The following TM9SF2 variants were observed in gnomAD, a reference collection of about 807,000 sequenced individuals.
TM9SF2 encodes transmembrane 9 superfamily member 2, also known as 76 kDa membrane protein.
In TM9SF2, 13 loss-of-function variants were observed where a neutral mutation model predicts 84.9. That is an observed-to-expected ratio of 0.15 (90% CI 0.10 to 0.24). TM9SF2 has a LOEUF of 0.24. Among genes scored for constraint, TM9SF2 ranks in the 10% least tolerant of loss-of-function variants. TM9SF2 has a pLI of 1.00. For missense variants in TM9SF2, 562 were observed against 818.5 expected (o/e 0.69, Z 3.82); for synonymous variants, 273 against 285.8 (o/e 0.96, Z 0.45).
intron 9 of TM9SF2, among the ~76,000 whole-genome samples, chr13:99,542,263 C>G (rs17610629): frequency 0.097 from 14,696 of 152,130 alleles, 855 homozygotes; most frequent in East Asian, 0.22. Flanking sequence ...TGCACAGTTA[C>G]AACTCTGTAA....
chr13:99,539,535 A>G lies in TM9SF2; in HGVS notation c.806A>G (p.Tyr269Cys), dbSNP rs1225294102. 1.2e-6 allele frequency: 2 copies of G among 1,611,566 alleles called. No homozygotes were observed. The highest frequency in any genetic ancestry group is 1.7e-6 in the Non-Finnish European group (2 of 1,177,770). Residue 269 changes from tyrosine to cysteine, a missense_variant, in exon 7 of 17, where the codon TAT (tyrosine) becomes TGT (cysteine). Transcript: ENST00000376387. ...NKASGEIKIAYTYSVSFEEDD... is the reference protein window; with the variant it reads ...NKASGEIKIACTYSVSFEEDD... ...GCTTCTGGGGAGATAAAAATTGCCTATACTTACTCTGTTAGCTTCGAGGTG... is the reference window on the plus strand; with the variant it reads ...GCTTCTGGGGAGATAAAAATTGCCTGTACTTACTCTGTTAGCTTCGAGGTG...
At chr13:99,514,696 C>A (rs1267616815) in intron 1 of TM9SF2, among the ~76,000 whole-genome samples, 2 of 152,188 alleles carry the variant, frequency 1.3e-5, no homozygotes, top group African/African-American at 4.8e-5. Flanking sequence ...CGTTAGCCTC[C>A]TGGGACTATT....
At chr13:99,510,001 G>A (rs893300945) in intron 1 of TM9SF2, among the ~76,000 whole-genome samples, 1 of 152,148 alleles carries the variant, frequency 6.6e-6, no homozygotes, top group East Asian at 1.9e-4. Context: ...GTTACCTCTT[G>A]AATACTTTGC....
At chr13:99,535,775 A>T (rs1417784263) in intron 4 of TM9SF2, among the ~76,000 whole-genome samples, 1 of 152,106 alleles carries the variant, frequency 6.6e-6, no homozygotes, top group Non-Finnish European at 1.5e-5. Flanking sequence ...CTATATTTTG[A>T]GTAGTTTTTT....
intron 11 of TM9SF2, among the ~76,000 whole-genome samples, chr13:99,548,019 C>T (rs2046290856): frequency 6.6e-6 from 1 of 152,154 alleles, no homozygotes; most frequent in Non-Finnish European, 1.5e-5. Context: ...CAAGTTCTTT[C>T]TTCCCCTTTA....
chr13:99,521,173 A>G (rs1184354944), intron 3 of TM9SF2, among the ~76,000 whole-genome samples: 4 of 152,260 alleles, frequency 2.6e-5, no homozygotes, highest in Non-Finnish European at 5.9e-5. Flanking sequence ...ATGCAAAAGA[A>G]TAAATAATAA....
At chr13:99,507,203 A>G (rs959237785) in intron 1 of TM9SF2, among the ~76,000 whole-genome samples, 5 of 152,172 alleles carry the variant, frequency 3.3e-5, no homozygotes, top group Admixed American at 1.3e-4. Context: ...CAGAATGCAA[A>G]CAAGCCCAAG....
intron 1 of TM9SF2, among the ~76,000 whole-genome samples, chr13:99,504,777 AT>A (rs2046081631): frequency 6.6e-6 from 1 of 151,924 alleles, no homozygotes; most frequent in Non-Finnish European, 1.5e-5. Context: ...TTTTTAACTT[AT>A]TTTACATGTG....
chr13:99,554,414 C>T lies in TM9SF2; in HGVS notation c.1599C>T (p.Gly533=), dbSNP rs2046318078. ...GIIMGGILPF[G]CIFIQLFFIL... ...TCATGGGAGGGATTTTGCCCTTTGG[C>T]TGCATCTTTATACAACTTTTCTTCA... Residue 533 remains glycine (G), a synonymous_variant, in exon 14 of 17, where the codon GGC becomes GGT. Transcript: ENST00000376387. 1.9e-6 allele frequency: 3 copies of T among 1,614,144 alleles called. No homozygotes were observed. In the East Asian group the frequency reaches 6.7e-5, roughly 36 times the overall value.
chr13:99,534,729 G>C (rs1025890087), intron 4 of TM9SF2, among the ~76,000 whole-genome samples: 11 of 152,224 alleles, frequency 7.2e-5, no homozygotes, highest in African/African-American at 2.4e-4. Flanking sequence ...GAGTCATTCA[G>C]CCTTTATCCT....
rs779552088 is a variant in TM9SF2, at chr13:99,555,665, T to C, written c.1752+18T>C. 36 of 1,542,704 alleles carry C rather than the reference T, an allele frequency of 2.3e-5. No individual in the cohort carries two copies. The highest frequency in any genetic ancestry group is 3.2e-5 in the Non-Finnish European group (36 of 1,123,630). On this transcript the variant is annotated intron_variant, in intron 15 of 16. Coordinates refer to ENST00000376387, the MANE Select transcript of TM9SF2 (RefSeq NM_004800.3). Reference sequence around the variant, plus strand: ...GTGCAGAGGTATGTATTAGCAGTATTCACTTATGTTAATTTGTAGACAGTA... The same window carrying C: ...GTGCAGAGGTATGTATTAGCAGTATCCACTTATGTTAATTTGTAGACAGTA...
chr13:99,518,299 A>T (rs1350765273), intron 2 of TM9SF2, among the ~76,000 whole-genome samples: 2 of 152,150 alleles, frequency 1.3e-5, no homozygotes, highest in Non-Finnish European at 2.9e-5. Context: ...TTTGGTAGAG[A>T]TGGGTTTCAC....
At chr13:99,560,269 G>A (rs555165933) in intron 16 of TM9SF2, among the ~76,000 whole-genome samples, 1 of 152,194 alleles carries the variant, frequency 6.6e-6, no homozygotes, top group African/African-American at 2.4e-5. Flanking sequence ...AAAAGAACAA[G>A]TTTTTTTCCT....
At chr13:99,506,291 A>C (rs1438272821) in intron 1 of TM9SF2, among the ~76,000 whole-genome samples, 4 of 152,226 alleles carry the variant, frequency 2.6e-5, no homozygotes, top group Non-Finnish European at 5.9e-5. Context: ...CTTAAAGAAA[A>C]AAAATCTGTA....
intron 1 of TM9SF2, among the ~76,000 whole-genome samples, chr13:99,510,593 TG>T (rs141654447): frequency 0.028 from 4,279 of 151,768 alleles, 90 homozygotes; most frequent in Non-Finnish European, 0.042. Flanking sequence ...CAAGAGAGAG[TG>T]GGGGCAGGTG....
At chr13:99,533,265 A>G (rs1438564693) in intron 4 of TM9SF2, among the ~76,000 whole-genome samples, 1 of 152,254 alleles carries the variant, frequency 6.6e-6, no homozygotes, top group Non-Finnish European at 1.5e-5. Flanking sequence ...ACAAGAAAAT[A>G]TTAAGTAAAA....
intron 6 of TM9SF2, among the ~76,000 whole-genome samples, chr13:99,538,333 T>C (rs1304208345): frequency 6.6e-6 from 1 of 152,186 alleles, no homozygotes; most frequent in African/African-American, 2.4e-5. Flanking sequence ...TTATTTTTTA[T>C]CACGAACGTA....
intron 4 of TM9SF2, among the ~76,000 whole-genome samples, chr13:99,532,144 C>T (rs1482188566): frequency 2.6e-5 from 4 of 151,644 alleles, no homozygotes; most frequent in South Asian, 4.2e-4. Flanking sequence ...CTCCGCCTCC[C>T]GGGTCCACGC....
At chr13:99,516,538 C>T (rs1221457813) in intron 1 of TM9SF2, among the ~76,000 whole-genome samples, 5 of 152,202 alleles carry the variant, frequency 3.3e-5, no homozygotes, top group Non-Finnish European at 7.3e-5. Context: ...AGCCTGAGCT[C>T]CTTTTTTGAG....
Sources: gnomAD v4.1 joint callset for allele counts (sites outside exome capture counted in the v4.1 genomes callset) on GRCh38, gnomAD v4.1.1 for gene constraint, MANE v1.5 for transcripts, NCBI Gene and HGNC (gene_info 2026-07-23, HGNC 2026-07-21) for gene names.